Variants in EFCAB6 observed in about 807,000 individuals in gnomAD.
The protein encoded by EFCAB6 is EF-hand calcium-binding domain-containing protein 6.
A neutral mutation model predicts 169.8 loss-of-function variants in EFCAB6; 156 were observed. The observed-to-expected ratio is 0.92, with a 90% confidence interval of 0.81 to 1.05. The LOEUF (loss-of-function observed/expected upper bound fraction) is 1.05. Ranked by LOEUF, EFCAB6 falls within the 50% of genes least tolerant of loss-of-function variation. The probability of loss-of-function intolerance (pLI) is 0.00; values close to 1 mark genes in which losing one functional copy is unlikely to be tolerated. For missense variants in EFCAB6, 1,800 were observed against 1,829.1 expected (o/e 0.98, Z 0.29); for synonymous variants, 698 against 676.4 (o/e 1.03, Z -0.50).
intron 10 of EFCAB6, among the ~76,000 whole-genome samples, chr22:43,696,643 G>A (rs1404983181): frequency 6.6e-6 from 1 of 152,154 alleles, no homozygotes; most frequent in African/African-American, 2.4e-5. Flanking sequence ...GTTGAGATAT[G>A]CAACAACATG....
At chr22:43,773,809 T>G (rs1467133128) in intron 3 of EFCAB6, among the ~76,000 whole-genome samples, 1 of 152,326 alleles carries the variant, frequency 6.6e-6, no homozygotes, top group Non-Finnish European at 1.5e-5. Flanking sequence ...ATCGTGCCAT[T>G]GCACTCCAGC....
At chr22:43,545,451 A>T (rs2048000680) in intron 27 of EFCAB6, among the ~76,000 whole-genome samples, 2 of 152,228 alleles carry the variant, frequency 1.3e-5, no homozygotes, top group Admixed American at 6.5e-5. Context: ...AATTCATTGC[A>T]AAGTTCACAA....
chr22:43,670,356 A>AG (rs1268720821), intron 15 of EFCAB6, among the ~76,000 whole-genome samples: 2 of 152,220 alleles, frequency 1.3e-5, no homozygotes, highest in Non-Finnish European at 2.9e-5. Flanking sequence ...AAAAGTGCTG[A>AG]GAACCACTGA....
In EFCAB6 at chr22:43,672,085, A is replaced by G; in HGVS notation, c.1528T>C (p.Tyr510His). The stretch of plus-strand genomic sequence containing the variant: ...AGGTCATATGAGCGTAGCATGTTAT[A>G]AAAAGCTTGTAGGTTCCTAGTAATT... Reference protein sequence around the residue: ...DTITRNLQAFYNMLRSYDLGD... With the variant: ...DTITRNLQAFHNMLRSYDLGD... Residue 510 changes from tyrosine (Y) to histidine (H), a missense_variant, in exon 15 of 32, where the codon TAT becomes CAT. Transcript: ENST00000262726. The G allele has an allele frequency of 6.2e-7, 1 of 1,613,942 alleles. No homozygotes were observed. Among genetic ancestry groups the G allele is most frequent in the South Asian group, 1.1e-5 (1 of 90,954 alleles).
At chr22:43,743,705 C>T (rs2142975) in intron 6 of EFCAB6, among the ~76,000 whole-genome samples, 12,688 of 152,188 alleles carry the variant, frequency 0.083, 658 homozygotes, top group South Asian at 0.16. Flanking sequence ...GCGGCTGAAA[C>T]GGCATTACTC....
rs1161139658 is a variant in EFCAB6 at position 43,738,148 on chromosome 22, ACACT to A, written c.508-2159_508-2156del. 3.3e-5 allele frequency among the ~76,000 whole-genome samples: 5 copies of A among 151,614 alleles called. No individual in the cohort carries two copies. The East Asian group carries it at 7.8e-4, about 24-fold the overall frequency. On this transcript the variant is annotated intron_variant, in intron 6 of 31. Transcript: ENST00000262726. The stretch of plus-strand genomic sequence containing the variant: ...CATACACACACCTGTGCATATACTC[ACACT>A]CACACCATCACTCACACACATATAT...
At chr22:43,581,203 A>G (rs955208603) in intron 24 of EFCAB6, among the ~76,000 whole-genome samples, 4 of 152,184 alleles carry the variant, frequency 2.6e-5, no homozygotes, top group Non-Finnish European at 5.9e-5. Context: ...TGGACTTAGA[A>G]ATTGCAGTGG....
At chr22:43,675,666 T>C (rs1272251653) in intron 13 of EFCAB6, among the ~76,000 whole-genome samples, 1 of 147,146 alleles carries the variant, frequency 6.8e-6, no homozygotes, top group Non-Finnish European at 1.5e-5. Flanking sequence ...TATATAATAA[T>C]TCCATTTCTA....
At chr22:43,722,643 T>C (rs2059577981) in intron 8 of EFCAB6, among the ~76,000 whole-genome samples, 1 of 152,150 alleles carries the variant, frequency 6.6e-6, no homozygotes, top group Admixed American at 6.5e-5. Context: ...GGAAAGCAGT[T>C]TGGAGATTTC....
chr22:43,677,846 A>T, intron 13 of EFCAB6, 150 bp downstream of exon 13: 3 of 788,926 alleles, frequency 3.8e-6, no homozygotes, highest in Non-Finnish European at 3.8e-6. Context: ...CAAAGTGCTT[A>T]AACACTTGAC....
At chr22:43,623,637 T>C (rs2054262211) in intron 20 of EFCAB6, among the ~76,000 whole-genome samples, 1 of 150,516 alleles carries the variant, frequency 6.6e-6, no homozygotes, top group Non-Finnish European at 1.5e-5. Flanking sequence ...GGCTCACGCC[T>C]GTAATCCCAG....
At chr22:43,741,530 A>G (rs2060371232) in intron 6 of EFCAB6, among the ~76,000 whole-genome samples, 1 of 152,154 alleles carries the variant, frequency 6.6e-6, no homozygotes, top group Non-Finnish European at 1.5e-5. Flanking sequence ...GCATTCATCA[A>G]CACCTGGACC....
chr22:43,633,424 T>C (rs2055131043), intron 18 of EFCAB6, among the ~76,000 whole-genome samples: 1 of 152,194 alleles, frequency 6.6e-6, no homozygotes, highest in African/African-American at 2.4e-5. Flanking sequence ...GGTGCACGCC[T>C]GTAGCCCCAG....
chr22:43,690,343 CAAAAAAAA>C (rs137802), intron 10 of EFCAB6, among the ~76,000 whole-genome samples: 51 of 95,850 alleles, frequency 5.3e-4, no homozygotes, highest in South Asian at 1.3e-3. Flanking sequence ...ACTAAAAATA[CAAAAAAAA>C]AAAAAAAAAA....
At position 43,600,253 on chromosome 22, in the gene EFCAB6, C is replaced by G. The variant is rs750787529; in HGVS notation, c.2692G>C (p.Glu898Gln). The change falls in exon 23 of 32, where the codon GAG becomes CAG. Residue 898 changes from glutamate (E) to glutamine (Q), a missense_variant. Transcript: ENST00000262726. ...TGGTAAGTAATGTGCCCTTTTCCCT[C>G]GGTGTCGTATCTTAAAACAAAAACA... The part of the protein sequence containing the change: ...FEKLWARYDT[E>Q]GKGHITYQEF... 3.7e-6 allele frequency: 6 copies of G among 1,613,812 alleles called. No individual in the cohort carries two copies. The African/African-American group carries it at 8.0e-5, about 22-fold the overall frequency.
intron 23 of EFCAB6, among the ~76,000 whole-genome samples, chr22:43,599,092 C>T (rs192002707): frequency 2.6e-5 from 4 of 152,326 alleles, no homozygotes; most frequent in Admixed American, 2.0e-4. Context: ...CTGCCCAAAA[C>T]GTAATGGCCT....
intron 16 of EFCAB6, among the ~76,000 whole-genome samples, 168 bp downstream of exon 16, chr22:43,668,704 C>T (rs1393216126): frequency 1.3e-5 from 2 of 152,188 alleles, no homozygotes; most frequent in Non-Finnish European, 2.9e-5. Context: ...CCTAAGATCT[C>T]TGCTTGCTCT....
At chr22:43,592,812 G>A (rs2051665978) in intron 23 of EFCAB6, among the ~76,000 whole-genome samples, 1 of 152,192 alleles carries the variant, frequency 6.6e-6, no homozygotes, top group Admixed American at 6.5e-5. Context: ...CCCGTGTTAT[G>A]TGGCTCATTT....
intron 13 of EFCAB6, among the ~76,000 whole-genome samples, chr22:43,675,970 C>G (rs1023592652): frequency 5.9e-5 from 9 of 151,834 alleles, no homozygotes; most frequent in Admixed American, 2.0e-4. Flanking sequence ...AGTAGAGAAA[C>G]AGCCTAACTG....
Sources: gnomAD v4.1 joint callset for allele counts (sites outside exome capture counted in the v4.1 genomes callset) on GRCh38, gnomAD v4.1.1 for gene constraint, MANE v1.5 for transcripts, NCBI Gene and HGNC (gene_info 2026-07-23, HGNC 2026-07-21) for gene names.